The following TRAF5 variants were observed in gnomAD, a reference collection of about 807,000 sequenced individuals.
TRAF5 encodes TNF receptor associated factor 5, also known as TNF receptor-associated factor 5.
A neutral mutation model predicts 64.5 loss-of-function variants in TRAF5; 48 were observed. That is an observed-to-expected ratio of 0.74 (90% CI 0.59 to 0.95). TRAF5 has a LOEUF of 0.95. Ranked by LOEUF, TRAF5 falls within the 40% of genes least tolerant of loss-of-function variation. The pLI is 0.00. For missense variants in TRAF5, 545 were observed against 662.8 expected (o/e 0.82, Z 1.95); for synonymous variants, 206 against 240.5 (o/e 0.86, Z 1.33).
chr1:211,333,476 A>G (rs1214285173), intron 1 of TRAF5, among the ~76,000 whole-genome samples: 1 of 151,540 alleles, frequency 6.6e-6, no homozygotes. Context: ...TGCTGGGATT[A>G]CAGGCGTGAG....
intron 1 of TRAF5, among the ~76,000 whole-genome samples, chr1:211,352,602 G>T (rs1280564353): frequency 6.6e-6 from 1 of 151,782 alleles, no homozygotes; most frequent in Non-Finnish European, 1.5e-5. Flanking sequence ...CTCCAGCCTG[G>T]GCTACAGAGT....
intron 1 of TRAF5, among the ~76,000 whole-genome samples, chr1:211,330,505 C>T (rs546001566): frequency 9.9e-5 from 15 of 152,218 alleles, no homozygotes; most frequent in African/African-American, 3.4e-4. Flanking sequence ...CTCCCACAGA[C>T]TTCTTCCCTC....
intron 4 of TRAF5, chr1:211,357,872 A>G (rs1703019916): frequency 6.6e-6 from 1 of 152,242 alleles, no homozygotes; most frequent in South Asian, 2.1e-4. Context: ...TCATAATCAT[A>G]AAAGAGCCAG....
chr1:211,352,308 A>C (rs753480718), intron 1 of TRAF5, among the ~76,000 whole-genome samples: 17 of 151,944 alleles, frequency 1.1e-4, no homozygotes, highest in Admixed American at 2.0e-4. Flanking sequence ...ATCAGATCTC[A>C]TGAGACTTAT....
At chr1:211,338,554 G>A (rs998204244) in intron 1 of TRAF5, among the ~76,000 whole-genome samples, 2 of 152,170 alleles carry the variant, frequency 1.3e-5, no homozygotes, top group Non-Finnish European at 2.9e-5. Context: ...TATGTGCCAG[G>A]AATTGTGTGA....
intron 1 of TRAF5, among the ~76,000 whole-genome samples, chr1:211,344,698 C>T (rs1325244055): frequency 6.6e-6 from 1 of 152,202 alleles, no homozygotes. Context: ...TTCAGTTCTC[C>T]TTTGTGCCAG....
At chr1:211,353,486 C>A in intron 2 of TRAF5, 29 bp downstream of exon 2, 1 of 1,593,094 alleles carries the variant, frequency 6.3e-7, no homozygotes, top group Admixed American at 1.7e-5. Context: ...CAACTCTGGC[C>A]ATGGCAGTCC....
chr1:211,351,716 G>T (rs1415270311), intron 1 of TRAF5, among the ~76,000 whole-genome samples: 4 of 152,126 alleles, frequency 2.6e-5, no homozygotes, highest in Non-Finnish European at 4.4e-5. Context: ...TTGTTGAAAA[G>T]ACTTATCTTT....
rs923923195 is a variant in TRAF5 at position 211,361,864 on chromosome 1, T to C, written c.696+702T>C. On this transcript the variant is annotated intron_variant, in intron 7 of 10. Transcript: ENST00000261464. ...GGCACCCGCCATCATGCCTGGCTAA[T>C]TTTTGTATTTTTAGTAGAGACAGGG... Among the ~76,000 whole-genome samples, 8 of 151,970 alleles carry C rather than the reference T, an allele frequency of 5.3e-5. No individual in the cohort carries two copies. The South Asian group carries it at 1.3e-3, about 24-fold the overall frequency.
At chr1:211,358,591 A>T (rs1703062581) in intron 4 of TRAF5, 1 of 151,364 alleles carries the variant, frequency 6.6e-6, no homozygotes, top group African/African-American at 2.4e-5. Context: ...CTGTAATCCC[A>T]GCTAATCTGG....
intron 8 of TRAF5, among the ~76,000 whole-genome samples, chr1:211,366,010 T>C (rs555354970): frequency 2.6e-5 from 4 of 152,238 alleles, no homozygotes; most frequent in African/African-American, 4.8e-5. Flanking sequence ...CACTGAGTTG[T>C]GATTATCAAG....
At chr1:211,369,250 T>C (rs1703445513) in intron 8 of TRAF5, 2 of 413,224 alleles carry the variant, frequency 4.8e-6, no homozygotes, top group Non-Finnish European at 8.3e-6. Flanking sequence ...GATGAGAAAT[T>C]CTGTAGATGT....
chr1:211,371,283 A>T lies in TRAF5; in HGVS notation c.931-19A>T. ...ATTAACTAATTTTTTAAACATGATT[A>T]TCCATTTTGTAATGAAAGGTTTTTG... is the stretch of plus-strand genomic sequence containing the variant. On this transcript the variant is annotated intron_variant, in intron 9 of 10. Coordinates refer to ENST00000261464, the MANE Select transcript of TRAF5 (RefSeq NM_001033910.3). The T allele has an allele frequency of 6.4e-7, 1 of 1,563,918 alleles. No individual in the cohort carries two copies. The highest frequency in any genetic ancestry group is 8.6e-7 in the Non-Finnish European group (1 of 1,163,494).
intron 9 of TRAF5, among the ~76,000 whole-genome samples, chr1:211,370,514 G>A (rs1052425131): frequency 6.6e-6 from 1 of 152,020 alleles, no homozygotes; most frequent in East Asian, 1.9e-4. Flanking sequence ...GACTTACAAT[G>A]GAGTTATGTC....
At chr1:211,343,903 G>A (rs146642061) in intron 1 of TRAF5, among the ~76,000 whole-genome samples, 28 of 152,294 alleles carry the variant, frequency 1.8e-4, no homozygotes, top group African/African-American at 6.5e-4. Context: ...TACAGAGCTG[G>A]AGCCAAGGAT....
At chr1:211,357,357 T>C (rs41304089) in intron 4 of TRAF5, 2 of 152,230 alleles carry the variant, frequency 1.3e-5, no homozygotes, top group Admixed American at 6.5e-5. Flanking sequence ...AGGAATTTAT[T>C]TGGAGGTTCA....
chr1:211,351,857 A>C (rs370631227), intron 1 of TRAF5, among the ~76,000 whole-genome samples: 16 of 152,206 alleles, frequency 1.1e-4, no homozygotes, highest in East Asian at 9.7e-4. Context: ...CACTGTCTTG[A>C]TTACTGTAGC....
rs186178185 is a variant in TRAF5, at chr1:211,344,547, G to A, written c.-1-8692G>A. On this transcript the variant is annotated intron_variant, in intron 1 of 10. Coordinates refer to ENST00000261464, the MANE Select transcript of TRAF5 (RefSeq NM_001033910.3). ...GCTCCCAGCCACATTAGGTGTAATG[G>A]AAAATGGCCTTATTGGTTCTCCCTT... Among the ~76,000 whole-genome samples the A allele has an allele frequency of 2.8e-3, 431 of 152,240 alleles. 3 individuals carry two copies. The highest frequency in any genetic ancestry group is 9.7e-3 in the African/African-American group (402 of 41,514).
Position 211,360,934 on chromosome 1 carries a change from G to A in TRAF5, c.622-154G>A, listed in dbSNP as rs77052738. Among the ~76,000 whole-genome samples the A allele has an allele frequency of 2.9e-3, 441 of 152,140 alleles. 2 individuals carry two copies. The highest frequency in any genetic ancestry group is 9.8e-3 in the African/African-American group (408 of 41,504). Reference sequence around the variant, plus strand: ...CTGTCTTCCCTTCTCTTTTTCCTGCGAACTCTCTTCAACTTTCATCATAGC... The same window carrying A: ...CTGTCTTCCCTTCTCTTTTTCCTGCAAACTCTCTTCAACTTTCATCATAGC... On this transcript the variant is annotated intron_variant, in intron 6 of 10. Transcript: ENST00000261464.
Sources: gnomAD v4.1 joint callset for allele counts (sites outside exome capture counted in the v4.1 genomes callset) on GRCh38, gnomAD v4.1.1 for gene constraint, MANE v1.5 for transcripts, NCBI Gene and HGNC (gene_info 2026-07-23, HGNC 2026-07-21) for gene names.